The following PCDH15 variants were observed in gnomAD, a reference collection of about 807,000 sequenced individuals.
PCDH15 encodes protocadherin-15.
In PCDH15, 129 loss-of-function variants were observed where a neutral mutation model predicts 178.5. The observed-to-expected ratio is 0.72, with a 90% CI of 0.63 to 0.84. The LOEUF is 0.84. Ranked by LOEUF, PCDH15 falls within the 40% of genes least tolerant of loss-of-function variation. The probability of loss-of-function intolerance (pLI) is 0.00; values close to 1 mark genes in which losing one functional copy is unlikely to be tolerated. For missense variants in PCDH15, 2,230 were observed against 2,099.9 expected (o/e 1.06, Z -1.21); for synonymous variants, 800 against 732.0 (o/e 1.09, Z -1.50).
At chr10:54,895,139 A>G (rs958405509) in intron 3 of PCDH15, among the ~76,000 whole-genome samples, 7 of 152,186 alleles carry the variant, frequency 4.6e-5, no homozygotes, top group Non-Finnish European at 1.0e-4. Flanking sequence ...AAAAATAACT[A>G]CAGTGTATCC....
At position 53,831,447 on chromosome 10, in the gene PCDH15, G is replaced by C. The variant is rs1482276464; in HGVS notation, c.4070C>G (p.Pro1357Arg). Reference sequence around the variant, plus strand: ...CTTTTTAATGCTGGTCACTGCCTCTGGAGTCCGGATCTCCAGAATGCGTCC... The same window carrying C: ...CTTTTTAATGCTGGTCACTGCCTCTCGAGTCCGGATCTCCAGAATGCGTCC... ...EGGRILEIRT[P>R]EAVTSIKKRG... Residue 1357 changes from proline (P) to arginine (R), a missense_variant, in exon 30 of 38, where the codon CCA becomes CGA. Physicochemically the swap from Pro to Arg is moderately radical, Grantham distance 103. Coordinates refer to ENST00000644397, the MANE Select transcript of PCDH15 (RefSeq NM_001384140.1). The C allele has an allele frequency of 7.4e-6, 12 of 1,613,938 alleles. No homozygotes were observed. Among genetic ancestry groups the C allele is most frequent in the Non-Finnish European group, 1.0e-5 (12 of 1,180,010 alleles).
intron 2 of PCDH15, among the ~76,000 whole-genome samples, chr10:54,560,200 T>A (rs1348118610): frequency 6.6e-6 from 1 of 152,062 alleles, no homozygotes; most frequent in Non-Finnish European, 1.5e-5. Context: ...TAGAAGATTT[T>A]GTGCACATGA....
At chr10:54,186,252 A>G (rs2048466731) in intron 11 of PCDH15, among the ~76,000 whole-genome samples, 1 of 152,048 alleles carries the variant, frequency 6.6e-6, no homozygotes. Context: ...GCATAGCATG[A>G]TATGAAATGG....
chr10:55,052,813 C>T (rs1841200191), intron 2 of PCDH15, among the ~76,000 whole-genome samples: 1 of 152,140 alleles, frequency 6.6e-6, no homozygotes, highest in African/African-American at 2.4e-5. Context: ...GATATTTGGA[C>T]TATTTAATTA....
intron 21 of PCDH15, among the ~76,000 whole-genome samples, chr10:53,983,101 T>G (rs1347498804): frequency 6.6e-6 from 1 of 152,040 alleles, no homozygotes; most frequent in Admixed American, 6.6e-5. Context: ...AAATTCTTTT[T>G]CCCAAAGTCT....
intron 3 of PCDH15, among the ~76,000 whole-genome samples, chr10:54,466,297 G>A (rs1405224580): frequency 6.6e-6 from 1 of 151,832 alleles, no homozygotes; most frequent in African/African-American, 2.4e-5. Context: ...TCTTCCAGTA[G>A]TTTTATAATT....
intron 21 of PCDH15, among the ~76,000 whole-genome samples, chr10:53,992,573 G>A (rs2091596349): frequency 6.6e-6 from 1 of 152,076 alleles, no homozygotes; most frequent in Non-Finnish European, 1.5e-5. Context: ...AGACTATTCT[G>A]TCACAATTTA....
chr10:53,854,865 A>G (rs1402160801), intron 28 of PCDH15, among the ~76,000 whole-genome samples: 1 of 152,072 alleles, frequency 6.6e-6, no homozygotes, highest in Non-Finnish European at 1.5e-5. Context: ...GCCCAATTTC[A>G]TGTTTTAAAT....
At chr10:54,163,500 G>T (rs2045919724) in intron 13 of PCDH15, among the ~76,000 whole-genome samples, 1 of 152,180 alleles carries the variant, frequency 6.6e-6, no homozygotes, top group South Asian at 2.1e-4. Context: ...TAGCATGGGA[G>T]AAATTTGCCT....
chr10:54,073,340 A>T (rs181874826), intron 17 of PCDH15, among the ~76,000 whole-genome samples: 7 of 151,884 alleles, frequency 4.6e-5, no homozygotes, highest in Admixed American at 4.6e-4. Context: ...TTAAATGTTT[A>T]AAGTTTTACT....
At chr10:53,931,626 C>T (rs912568227) in intron 25 of PCDH15, among the ~76,000 whole-genome samples, 1 of 152,110 alleles carries the variant, frequency 6.6e-6, no homozygotes, top group African/African-American at 2.4e-5. Context: ...CTATTATTTT[C>T]TTTCATACTA....
At chr10:54,450,143 A>G (rs1420311131) in intron 3 of PCDH15, among the ~76,000 whole-genome samples, 2 of 146,356 alleles carry the variant, frequency 1.4e-5, no homozygotes, top group African/African-American at 5.0e-5. Flanking sequence ...ATATATATAT[A>G]TATATATATA....
At position 55,413,561 on chromosome 10, in the gene PCDH15, A is replaced by G. The variant is rs190450012; in HGVS notation, c.-156+214064T>C. On this transcript the variant is annotated intron_variant, in intron 2 of 5. Coordinates refer to the PCDH15 transcript ENST00000613346. ...AAATTCTATATATTTGGATTTATAT[A>G]TCTATCTATGTATTTTTTTCAACTT... Among the ~76,000 whole-genome samples, 447 of 145,298 alleles carry G rather than the reference A, an allele frequency of 3.1e-3. 1 individual carries two copies. The highest frequency in any genetic ancestry group is 4.8e-3 in the Non-Finnish European group (324 of 67,688).
chr10:55,002,502 A>G (rs1839816100), intron 2 of PCDH15, among the ~76,000 whole-genome samples: 1 of 62,590 alleles, frequency 1.6e-5, no homozygotes, highest in African/African-American at 5.5e-5. Flanking sequence ...TTACCACATT[A>G]ATACAATGTT....
rs979806832 is a variant in PCDH15 at position 55,514,663 on chromosome 10, C to T, written c.-156+112962G>A. On this transcript the variant is annotated intron_variant, in intron 2 of 5. Coordinates refer to the PCDH15 transcript ENST00000613346. ...AGATTCTTCTTGTCCTCTCTGAGCA[C>T]GTATTGTGTCCCTCTGGGTATGGGA... Among the ~76,000 whole-genome samples the T allele has an allele frequency of 1.2e-4, 18 of 152,206 alleles. No individual in the cohort carries two copies. The East Asian group carries it at 1.4e-3, about 11-fold the overall frequency.
intron 26 of PCDH15, among the ~76,000 whole-genome samples, chr10:53,884,033 A>C (rs2076060876): frequency 6.8e-6 from 1 of 147,502 alleles, no homozygotes; most frequent in Non-Finnish European, 1.5e-5. Context: ...GTAAAAAAAC[A>C]AAACAAAACA....
At chr10:54,048,110 G>A (rs1169991985) in intron 18 of PCDH15, among the ~76,000 whole-genome samples, 22 of 152,098 alleles carry the variant, frequency 1.4e-4, no homozygotes, top group Admixed American at 1.4e-3. Flanking sequence ...TTTGACTGGT[G>A]TGAGATGGTA....
intron 2 of PCDH15, among the ~76,000 whole-genome samples, chr10:55,023,942 G>A (rs1402696103): frequency 6.7e-6 from 1 of 149,084 alleles, no homozygotes; most frequent in Non-Finnish European, 1.5e-5. Context: ...TGGGTCTGGA[G>A]TTTACATCTG....
At chr10:54,333,598 A>G (rs1283247529) in intron 6 of PCDH15, among the ~76,000 whole-genome samples, 4 of 151,972 alleles carry the variant, frequency 2.6e-5, no homozygotes, top group African/African-American at 9.7e-5. Flanking sequence ...CAAGGGAAAA[A>G]AGTAGATTTT....
Sources: allele counts gnomAD v4.1 joint callset (sites outside exome capture counted in the v4.1 genomes callset), GRCh38; gene constraint gnomAD v4.1.1; transcripts MANE v1.5; gene names NCBI Gene and HGNC (gene_info 2026-07-23, HGNC 2026-07-21).